The following BTBD10 variants were observed in gnomAD, a reference collection of about 807,000 sequenced individuals.
BTBD10 encodes the protein BTB domain containing 10, also known as BTB/POZ domain-containing protein 10.
Under a neutral mutation model 53.2 loss-of-function variants are expected in BTBD10, and 21 were observed. The observed-to-expected ratio is 0.39, with a 90% CI of 0.28 to 0.57. The LOEUF is 0.57. BTBD10 is among the 20% of genes least tolerant of loss of function. BTBD10 has a pLI of 0.53. For synonymous variants in BTBD10, 149 were observed against 192.7 expected, an observed-to-expected ratio of 0.77 and a Z score of 1.88; for missense variants, 360 against 594.7, an observed-to-expected ratio of 0.61 and a Z score of 4.10.
chr11:13,421,529 G>A, intron 3 of BTBD10, 113 bp downstream of exon 3: 1 of 866,462 alleles, frequency 1.2e-6, no homozygotes, highest in Non-Finnish European at 1.7e-6. Flanking sequence ...CAACTGAATA[G>A]AAGCAGCTAA....
intron 6 of BTBD10, 67 bp from the exon 7 acceptor site, chr11:13,405,923 G>A: frequency 6.7e-7 from 1 of 1,483,994 alleles, no homozygotes; most frequent in Non-Finnish European, 9.2e-7. Flanking sequence ...TAGAAATATA[G>A]ACTCTTATAA....
intron 4 of BTBD10, among the ~76,000 whole-genome samples, chr11:13,417,525 T>C (rs1950142895): frequency 1.3e-5 from 2 of 152,090 alleles, no homozygotes; most frequent in Non-Finnish European, 2.9e-5. Flanking sequence ...TTCCTACCCC[T>C]TCTCAGAAAA....
chr11:13,457,394 T>C (rs1425259325), intron 1 of BTBD10, among the ~76,000 whole-genome samples: 1 of 152,134 alleles, frequency 6.6e-6, no homozygotes, highest in Non-Finnish European at 1.5e-5. Context: ...CAAAAGGAGT[T>C]AACTGAATAA....
At chr11:13,453,707 C>T (rs1450723017) in intron 1 of BTBD10, among the ~76,000 whole-genome samples, 2 of 152,136 alleles carry the variant, frequency 1.3e-5, no homozygotes, top group Non-Finnish European at 1.5e-5. Context: ...AGGTTTGTGT[C>T]CCCACAGCCT....
intron 2 of BTBD10, among the ~76,000 whole-genome samples, chr11:13,435,244 A>G (rs541653406): frequency 6.6e-6 from 1 of 152,262 alleles, no homozygotes; most frequent in East Asian, 1.9e-4. Context: ...GCACAGGTTT[A>G]TTGTGTATCT....
At chr11:13,397,782 C>T (rs1169390748) in intron 8 of BTBD10, among the ~76,000 whole-genome samples, 6 of 152,126 alleles carry the variant, frequency 3.9e-5, no homozygotes, top group Admixed American at 6.5e-5. Flanking sequence ...TTTATGTCTG[C>T]CTTCATTTCG....
rs373249163 is a variant in BTBD10, at chr11:13,389,380, AC to A, written c.1118-240del. Among the ~76,000 whole-genome samples, 87 of 152,238 alleles carry A rather than the reference AC, an allele frequency of 5.7e-4. 1 individual carries two copies. Among genetic ancestry groups the A allele is most frequent in the Middle Eastern group, 3.4e-3 (1 of 294 alleles). On this transcript the variant is annotated intron_variant, in intron 8 of 8. Coordinates refer to ENST00000278174, the MANE Select transcript of BTBD10 (RefSeq NM_032320.7). The stretch of plus-strand genomic sequence containing the variant: ...ACTCAATATATCAACCATCAAAAAA[AC>A]ATTATTAAAGTAGGAGTATGTTGGA...
At chr11:13,423,256 C>T (rs1950276765) in intron 2 of BTBD10, among the ~76,000 whole-genome samples, 1 of 152,088 alleles carries the variant, frequency 6.6e-6, no homozygotes, top group Admixed American at 6.6e-5. Flanking sequence ...TTTTTAGAAA[C>T]AGAAGGAAGT....
rs370433830 is a variant in BTBD10 at position 13,419,531 on chromosome 11, T to C, written c.513A>G (p.Leu171=). The C allele has an allele frequency of 1.2e-6, 2 of 1,614,052 alleles. No individual in the cohort carries two copies. Among genetic ancestry groups the C allele is most frequent in the African/African-American group, 1.3e-5 (1 of 74,928 alleles). The change falls in exon 4 of 9, where the codon CTA becomes CTG. Residue 171 remains leucine (L), a synonymous_variant. Transcript: ENST00000278174. ...CAACAAATCTAGTGTTATCCACTAT[T>C]AGTGTCACTCGTTCTGACGTTCTTA... The part of the protein sequence containing the change: ...RNIRTSERVT[L]IVDNTRFVVD...
At chr11:13,431,506 G>A (rs180837973) in intron 2 of BTBD10, among the ~76,000 whole-genome samples, 2 of 152,148 alleles carry the variant, frequency 1.3e-5, no homozygotes, top group East Asian at 3.9e-4. Flanking sequence ...TTTAAATTTT[G>A]CAGCTTTATG....
Position 13,419,528 on chromosome 11 carries a change from T to G in BTBD10, c.516A>C (p.Ile172=). Residue 172 remains isoleucine (I), a synonymous_variant, in exon 4 of 9, where the codon ATA becomes ATC. Coordinates refer to ENST00000278174, the MANE Select transcript of BTBD10 (RefSeq NM_032320.7). The part of the protein sequence containing the change: ...NIRTSERVTL[I]VDNTRFVVDP... ...CTACAACAAATCTAGTGTTATCCAC[T>G]ATTAGTGTCACTCGTTCTGACGTTC... The G allele has an allele frequency of 6.2e-7, 1 of 1,614,188 alleles. No homozygotes were observed. Among genetic ancestry groups the G allele is most frequent in the East Asian group, 2.2e-5 (1 of 44,888 alleles).
At chr11:13,439,685 C>A (rs532808599) in intron 2 of BTBD10, among the ~76,000 whole-genome samples, 1 of 151,998 alleles carries the variant, frequency 6.6e-6, no homozygotes, top group South Asian at 2.1e-4. Flanking sequence ...ATCAAACCCA[C>A]GAAAACAATA....
At chr11:13,444,149 T>C (rs1013672165) in intron 2 of BTBD10, among the ~76,000 whole-genome samples, 3 of 152,100 alleles carry the variant, frequency 2.0e-5, no homozygotes, top group Non-Finnish European at 2.9e-5. Flanking sequence ...TCACTCAAAT[T>C]TTCTAGCTAT....
chr11:13,399,442 A>G (rs920128151), intron 8 of BTBD10, among the ~76,000 whole-genome samples: 1 of 152,084 alleles, frequency 6.6e-6, no homozygotes, highest in African/African-American at 2.4e-5. Flanking sequence ...CTAGTTAGCC[A>G]TTCGTCTAAT....
At chr11:13,444,438 C>T (rs978214524) in intron 2 of BTBD10, among the ~76,000 whole-genome samples, 3 of 152,002 alleles carry the variant, frequency 2.0e-5, no homozygotes, top group African/African-American at 7.2e-5. Flanking sequence ...ATGAGGCATT[C>T]CTCATTAAGT....
At chr11:13,429,801 AGT>A (rs1425134308) in intron 2 of BTBD10, among the ~76,000 whole-genome samples, 1 of 152,202 alleles carries the variant, frequency 6.6e-6, no homozygotes, top group Non-Finnish European at 1.5e-5. Context: ...TTCAAAAAAC[AGT>A]GTTAAGAGAA....
intron 8 of BTBD10, among the ~76,000 whole-genome samples, chr11:13,401,357 C>A (rs1252910341): frequency 6.6e-6 from 1 of 152,050 alleles, no homozygotes; most frequent in African/African-American, 2.4e-5. Flanking sequence ...TTCCATAAAT[C>A]ATTTATTTAC....
intron 8 of BTBD10, among the ~76,000 whole-genome samples, chr11:13,390,696 T>C (rs1301713137): frequency 2.0e-5 from 3 of 152,164 alleles, no homozygotes; most frequent in Non-Finnish European, 4.4e-5. Context: ...TTTTGGCCCA[T>C]AGGCCAAAGT....
chr11:13,410,912 T>C (rs1448971590), intron 6 of BTBD10, among the ~76,000 whole-genome samples: 2 of 152,202 alleles, frequency 1.3e-5, no homozygotes, highest in African/African-American at 4.8e-5. Flanking sequence ...CATTTGGAGC[T>C]ATATGTTAAT....
Sources: allele counts gnomAD v4.1 joint callset (sites outside exome capture counted in the v4.1 genomes callset), GRCh38; gene constraint gnomAD v4.1.1; transcripts MANE v1.5; gene names NCBI Gene and HGNC (gene_info 2026-07-23, HGNC 2026-07-21).